The following PER2 variants were observed in gnomAD, a reference collection of about 807,000 sequenced individuals.
PER2 encodes the protein period circadian protein homolog 2.
PER2 carries 66 observed loss-of-function variants against 121.0 expected under a neutral mutation model. That is an observed-to-expected ratio of 0.55 (90% CI 0.45 to 0.67). The LOEUF is 0.67. Among genes scored for constraint, PER2 ranks in the 30% least tolerant of loss-of-function variants. PER2 has a pLI of 0.00. For synonymous variants in PER2, 684 were observed against 659.9 expected, an observed-to-expected ratio of 1.04 and a Z score of -0.56; for missense variants, 1,521 against 1,635.0, an observed-to-expected ratio of 0.93 and a Z score of 1.20.
At chr2:238,280,031 A>T (rs1206202026) in intron 1 of PER2, among the ~76,000 whole-genome samples, 1 of 152,240 alleles carries the variant, frequency 6.6e-6, no homozygotes, top group East Asian at 1.9e-4. Flanking sequence ...GAACGGACAC[A>T]GGAACAGAAA....
chr2:238,293,510 A>C (rs1696996796), upstream of PER2, among the ~76,000 whole-genome samples: 1 of 152,066 alleles, frequency 6.6e-6, no homozygotes, highest in Non-Finnish European at 1.5e-5. Flanking sequence ...TGAGGCAGGC[A>C]GATCACCTGA....
chr2:238,260,129 A>T (rs1192926474), intron 13 of PER2, 76 bp from the exon 14 acceptor site: 8 of 698,872 alleles, frequency 1.1e-5, no homozygotes, highest in Non-Finnish European at 2.1e-5. Context: ...GTGAGAACAG[A>T]GGATGGCTGA....
upstream of PER2, among the ~76,000 whole-genome samples, chr2:238,291,591 G>A (rs1696950804): frequency 6.6e-6 from 1 of 152,214 alleles, no homozygotes; most frequent in East Asian, 1.9e-4. Context: ...GAGATGGAGG[G>A]GACACTGTCA....
In PER2 at chr2:238,245,647, G is replaced by C; in HGVS notation, c.*728C>G. The C allele has an allele frequency of 2.5e-6, 1 of 398,624 alleles. No homozygotes were observed. The highest frequency in any genetic ancestry group is 4.4e-6 in the Non-Finnish European group (1 of 226,076). The allele number at this position is 398,624 out of a possible 1,614,324, so 24.7% of individuals were successfully genotyped here. A position where few individuals can be genotyped will look rare whatever the true frequency, so the allele number is the denominator to read the frequency against. ...CTGAAAAGGAGACAAGAATAATGCAGAAATATACAGAGGGTCTGTCTGCGT... is the reference window on the plus strand; with the variant it reads ...CTGAAAAGGAGACAAGAATAATGCACAAATATACAGAGGGTCTGTCTGCGT... On this transcript the variant is annotated 3_prime_UTR_variant, in exon 23 of 23. Coordinates refer to ENST00000254657, the MANE Select transcript of PER2 (RefSeq NM_022817.3).
At chr2:238,257,601 G>A (rs1254329135) in intron 16 of PER2, among the ~76,000 whole-genome samples, 1 of 152,220 alleles carries the variant, frequency 6.6e-6, no homozygotes, top group African/African-American at 2.4e-5. Context: ...AGCCTCCCAA[G>A]TAGCTGGGAT....
In PER2 at chr2:238,253,417, G is replaced by A. The variant is rs544187604; in HGVS notation, c.2606C>T (p.Pro869Leu). 30 of 1,610,244 alleles carry A rather than the reference G, an allele frequency of 1.9e-5. No homozygotes were observed. In the Middle Eastern group the frequency reaches 6.6e-4, roughly 36 times the overall value. Reference protein sequence around the residue: ...FPAPGTVAAPPAPPHASFTVP... With the variant: ...FPAPGTVAAPLAPPHASFTVP... The stretch of plus-strand genomic sequence containing the variant: ...TGTGAAGCTGGCGTGGGGAGGTGCC[G>A]GGGGTGCTGCCACAGTCCCTGGCGC... The change falls in exon 19 of 23, where the codon CCG (proline) becomes CTG (leucine). Residue 869 changes from proline (P) to leucine (L), a missense_variant. Pro to Leu is a moderately conservative substitution (Grantham distance 98). Transcript: ENST00000254657. The surrounding 1 kb of genome is among the most constrained non-coding windows in gnomAD (Gnocchi z 5.6).
At chr2:238,273,807 A>G (rs562248008) in intron 4 of PER2, among the ~76,000 whole-genome samples, 3 of 152,218 alleles carry the variant, frequency 2.0e-5, no homozygotes, top group Admixed American at 2.0e-4. Context: ...AGCTGGGACT[A>G]CAGGCACGTG....
chr2:238,261,398 C>T, intron 12 of PER2: 1 of 416,046 alleles, frequency 2.4e-6, no homozygotes, highest in East Asian at 4.6e-5. Context: ...TCCCACTGCT[C>T]TGGATTAGAA....
chr2:238,255,615 T>A, intron 18 of PER2, 42 bp downstream of exon 18: 4 of 1,607,446 alleles, frequency 2.5e-6, no homozygotes, highest in Non-Finnish European at 3.4e-6. Flanking sequence ...CCAACAGGAA[T>A]AAAGTTTTTT....
rs185478600 is a variant in PER2 at position 238,253,840 on chromosome 2, G to C, written c.2321-138C>G. On this transcript the variant is annotated intron_variant, in intron 18 of 22. Transcript: ENST00000254657. The surrounding 1 kb of genome is among the most constrained non-coding windows in gnomAD (Gnocchi z 5.6). Reference sequence around the variant, plus strand: ...ACCGAGCGGTTTTCCCTGATCCTCAGTGAAGTGAGAAAAATCAGGGCAAAA... The same window carrying C: ...ACCGAGCGGTTTTCCCTGATCCTCACTGAAGTGAGAAAAATCAGGGCAAAA... 1.0e-5 allele frequency: 7 copies of C among 674,948 alleles called. No homozygotes were observed. Among genetic ancestry groups the C allele is most frequent in the Middle Eastern group, 3.9e-4 (1 of 2,562 alleles). 41.8% of individuals were successfully genotyped at this position (674,948 alleles called of 1,614,324 possible).
intron 9 of PER2, 137 bp from the exon 10 acceptor site, chr2:238,263,195 T>C (rs373112666): frequency 4.6e-6 from 3 of 650,688 alleles, no homozygotes; most frequent in Non-Finnish European, 8.1e-6. Context: ...AGATCAAAAG[T>C]TGGACTAACA....
intron 1 of PER2, among the ~76,000 whole-genome samples, chr2:238,279,238 C>T (rs1317645502): frequency 2.0e-5 from 3 of 152,180 alleles, no homozygotes; most frequent in Non-Finnish European, 2.9e-5. Flanking sequence ...CCCTGCTTGA[C>T]ACAAGTGGTC....
intron 19 of PER2, 116 bp from the exon 20 acceptor site, chr2:238,251,877 G>T: frequency 1.1e-6 from 1 of 874,794 alleles, no homozygotes; most frequent in Non-Finnish European, 1.9e-6. Context: ...GCTGTGGAGC[G>T]GCTGCAAGGT....
intron 8 of PER2, among the ~76,000 whole-genome samples, chr2:238,266,093 T>G (rs12474237): frequency 6.6e-6 from 1 of 151,522 alleles, no homozygotes; most frequent in Non-Finnish European, 1.5e-5. Context: ...TTAGTTGAGG[T>G]GGGGTTTCAC....
At position 238,253,795 on chromosome 2, in the gene PER2, G is replaced by T; in HGVS notation, c.2321-93C>A. 1.0e-6 allele frequency: 1 copy of T among 997,778 alleles called. No homozygotes were observed. The highest frequency in any genetic ancestry group is 1.5e-6 in the Non-Finnish European group (1 of 656,826). The allele number at this position is 997,778 out of a possible 1,614,324, so 61.8% of individuals were successfully genotyped here. ...AACAGTCCTGGGTTTCCAAATGCTG[G>T]CCCAGGGCCTGCCTGGTCCACCGAG... On this transcript the variant is annotated intron_variant, in intron 18 of 22. Coordinates refer to ENST00000254657, the MANE Select transcript of PER2 (RefSeq NM_022817.3). The surrounding 1 kb of genome is among the most constrained non-coding windows in gnomAD (Gnocchi z 5.6).
intron 14 of PER2, among the ~76,000 whole-genome samples, chr2:238,258,904 G>A (rs1476088611): frequency 6.6e-6 from 1 of 152,044 alleles, no homozygotes; most frequent in African/African-American, 2.4e-5. Flanking sequence ...CTGTCCCCAG[G>A]GGTCAGGGAC....
At chr2:238,247,744 T>C (rs1326726600) in intron 22 of PER2, among the ~76,000 whole-genome samples, 9 of 152,010 alleles carry the variant, frequency 5.9e-5, no homozygotes, top group African/African-American at 1.9e-4. Flanking sequence ...CCAGTGTAGC[T>C]GGAGAGGAGG....
At chr2:238,256,509 G>A (rs1475542421) in intron 17 of PER2, among the ~76,000 whole-genome samples, 5 of 152,250 alleles carry the variant, frequency 3.3e-5, no homozygotes, top group African/African-American at 4.8e-5. Context: ...TTTACCACCT[G>A]TACTGGCTCC....
chr2:238,253,139 A>G lies in PER2; in HGVS notation c.2884T>C (p.Cys962Arg), dbSNP rs1229328398. The change falls in exon 19 of 23, where the codon TGT (cysteine) becomes CGT (arginine). Residue 962 changes from cysteine to arginine, a missense_variant. Coordinates refer to ENST00000254657, the MANE Select transcript of PER2 (RefSeq NM_022817.3). This position sits in a 1 kb window ranked among gnomAD's most constrained non-coding sequence, Gnocchi z 5.6. Reference protein sequence around the residue: ...RTSIPRQPCACPATRATPPSA... With the variant: ...RTSIPRQPCARPATRATPPSA... ...GGTGGGGTGGCCCGGGTGGCTGGACAAGCACATGGCTGTCTGGGGATCGAG... is the reference window on the plus strand; with the variant it reads ...GGTGGGGTGGCCCGGGTGGCTGGACGAGCACATGGCTGTCTGGGGATCGAG... The G allele has an allele frequency of 3.7e-6, 6 of 1,602,328 alleles. No individual in the cohort carries two copies. Among genetic ancestry groups the G allele is most frequent in the Non-Finnish European group, 5.1e-6 (6 of 1,171,570 alleles).
Sources: allele counts gnomAD v4.1 joint callset (sites outside exome capture counted in the v4.1 genomes callset), GRCh38; gene constraint gnomAD v4.1.1; non-coding constraint Gnocchi (gnomAD v3.1); transcripts MANE v1.5; gene names NCBI Gene and HGNC (gene_info 2026-07-23, HGNC 2026-07-21).